PPP1R12B: variants seen among roughly 807,000 people sequenced by gnomAD.
PPP1R12B encodes the protein protein phosphatase 1 regulatory subunit 12B, also known as myosin phosphatase target subunit 2.
In PPP1R12B, 76 loss-of-function variants were observed where a neutral mutation model predicts 126.1. The observed-to-expected ratio is 0.60, with a 90% CI of 0.50 to 0.73. The LOEUF is 0.73. Among genes scored for constraint, PPP1R12B ranks in the 30% least tolerant of loss-of-function variants. PPP1R12B has a pLI of 0.00. For missense variants in PPP1R12B, 1,052 were observed against 1,205.1 expected, an observed-to-expected ratio of 0.87 and a Z score of 1.88; for synonymous variants, 356 against 434.7, an observed-to-expected ratio of 0.82 and a Z score of 2.25.
chr1:202,514,790 G>A (rs759746408), intron 18 of PPP1R12B, among the ~76,000 whole-genome samples: 2 of 152,066 alleles, frequency 1.3e-5, no homozygotes, highest in Non-Finnish European at 2.9e-5. Flanking sequence ...TCTGTGTGCT[G>A]GGTATATACT....
chr1:202,356,561 T>G (rs1013074275), intron 1 of PPP1R12B, among the ~76,000 whole-genome samples: 2 of 152,128 alleles, frequency 1.3e-5, no homozygotes, highest in Non-Finnish European at 2.9e-5. Flanking sequence ...ATAAGGAGAT[T>G]AGCCTGGATT....
chr1:202,356,514 G>T (rs1288341853), intron 1 of PPP1R12B, among the ~76,000 whole-genome samples: 1 of 152,182 alleles, frequency 6.6e-6, no homozygotes, highest in Non-Finnish European at 1.5e-5. Flanking sequence ...CAGGGTAAAA[G>T]AGACTTTGGG....
intron 18 of PPP1R12B, among the ~76,000 whole-genome samples, chr1:202,520,733 T>C (rs998852396): frequency 2.6e-5 from 4 of 152,234 alleles, no homozygotes; most frequent in Non-Finnish European, 5.9e-5. Flanking sequence ...CTGGGACTTC[T>C]AGGTCAGGGT....
intron 1 of PPP1R12B, among the ~76,000 whole-genome samples, chr1:202,399,954 G>A (rs1319290261): frequency 5.9e-5 from 9 of 151,958 alleles, no homozygotes; most frequent in Non-Finnish European, 2.9e-5. Context: ...CACCCAGTTA[G>A]CAAGTGTAGT....
chr1:202,440,632 CT>C lies in PPP1R12B; in HGVS notation c.1459-68del, dbSNP rs555464211. 1.9e-4 allele frequency: 223 copies of C among 1,151,502 alleles called. No homozygotes were observed. The African/African-American group carries it at 2.4e-3, about 12-fold the overall frequency. The allele number at this position is 1,151,502 out of a possible 1,614,324, so 71.3% of individuals were successfully genotyped here. A position where few individuals can be genotyped will look rare whatever the true frequency, so the allele number is the denominator to read the frequency against. ...GATGATATAGGTATATTAAGTTCTG[CT>C]TTTTTACTCAAAATGTTTTATGCTG... On this transcript the variant is annotated intron_variant, in intron 10 of 23. Transcript: ENST00000608999.
chr1:202,439,033 G>T, intron 10 of PPP1R12B: 1 of 1,376,138 alleles, frequency 7.3e-7, no homozygotes, highest in South Asian at 1.2e-5. Context: ...ACTACCAGTG[G>T]GCGGACTTCA....
At position 202,584,677 on chromosome 1, in the gene PPP1R12B, G is replaced by T. The variant is rs1223640177; in HGVS notation, c.*4117G>T. On this transcript the variant is annotated 3_prime_UTR_variant, in exon 24 of 24. Coordinates refer to ENST00000608999, the MANE Select transcript of PPP1R12B (RefSeq NM_002481.4). The stretch of plus-strand genomic sequence containing the variant: ...GGTGGGCATGGAGTGAGCAGAAGAA[G>T]CCTGGAGAAGAGAGAACTATTTAAA... The T allele has an allele frequency of 6.6e-6, 1 of 152,228 alleles. No homozygotes were observed. Among genetic ancestry groups the T allele is most frequent in the African/African-American group, 2.4e-5 (1 of 41,442 alleles). The allele number at this position is 152,228 out of a possible 1,614,324, so 9.4% of individuals were successfully genotyped here.
intron 1 of PPP1R12B, among the ~76,000 whole-genome samples, chr1:202,377,837 T>C (rs1259602321): frequency 2.2e-5 from 1 of 44,556 alleles, no homozygotes; most frequent in African/African-American, 4.8e-5. Context: ...CAGGTGTTTT[T>C]TTTTTTTTTT....
intron 1 of PPP1R12B, among the ~76,000 whole-genome samples, chr1:202,395,324 C>T (rs1664806436): frequency 6.6e-6 from 1 of 152,010 alleles, no homozygotes; most frequent in African/African-American, 2.4e-5. Context: ...TGTTGTTCCC[C>T]ATTGTCACTT....
At chr1:202,388,196 T>C (rs1175146423) in intron 1 of PPP1R12B, among the ~76,000 whole-genome samples, 1 of 152,012 alleles carries the variant, frequency 6.6e-6, no homozygotes, top group Non-Finnish European at 1.5e-5. Context: ...AGACTTTTCT[T>C]TTTTTGAGCT....
At chr1:202,538,902 A>G (rs1208606010) in intron 18 of PPP1R12B, among the ~76,000 whole-genome samples, 5 of 151,754 alleles carry the variant, frequency 3.3e-5, no homozygotes, top group African/African-American at 1.2e-4. Context: ...CTTTTCCCTC[A>G]CCTTTATACC....
chr1:202,462,874 A>G lies in PPP1R12B; in HGVS notation c.1850+13703A>G, dbSNP rs1819043. The G allele has an allele frequency of 0.48, 468,066 of 984,704 alleles. 113,716 individuals carry two copies. Among genetic ancestry groups the G allele is most frequent in the East Asian group, 0.7 (6,165 of 8,792 alleles). 61.0% of individuals were successfully genotyped at this position (984,704 alleles called of 1,614,324 possible). On this transcript the variant is annotated intron_variant, in intron 13 of 23. Transcript: ENST00000608999. ...AAGTGTGTGGCAAGGTGTGTCTGAGATAGCTTGACCTGCTTTCACCTGGAA... is the reference window on the plus strand; with the variant it reads ...AAGTGTGTGGCAAGGTGTGTCTGAGGTAGCTTGACCTGCTTTCACCTGGAA...
intron 1 of PPP1R12B, among the ~76,000 whole-genome samples, chr1:202,369,228 A>G (rs1004549029): frequency 3.9e-5 from 6 of 152,226 alleles, no homozygotes; most frequent in African/African-American, 1.4e-4. Flanking sequence ...AAATCTAAAT[A>G]TAAAGCCAAT....
chr1:202,357,552 G>T (rs889325570), intron 1 of PPP1R12B, among the ~76,000 whole-genome samples: 1 of 152,122 alleles, frequency 6.6e-6, no homozygotes, highest in Admixed American at 6.6e-5. Flanking sequence ...CTGAATTCTG[G>T]CTAGTTCAGG....
chr1:202,493,426 A>G (rs2148851684), intron 15 of PPP1R12B, 109 bp downstream of exon 15: 1 of 1,193,234 alleles, frequency 8.4e-7, no homozygotes, highest in Non-Finnish European at 1.2e-6. Flanking sequence ...GCAATGGACA[A>G]CTCACTCAGT....
rs548201289 is a variant in PPP1R12B, at chr1:202,452,067, G to A, written c.1850+2896G>A. 5.3e-5 allele frequency among the ~76,000 whole-genome samples: 8 copies of A among 151,908 alleles called. No homozygotes were observed. The East Asian group carries it at 1.4e-3, about 26-fold the overall frequency. ...CAGAGGCGCTCCTCACATCCCAGAC[G>A]GGGCGGCGGGGCAGAGGCGCTCCCC... On this transcript the variant is annotated intron_variant, in intron 13 of 23. Transcript: ENST00000608999.
chr1:202,391,644 A>AAACATGTG (rs1558168098), intron 1 of PPP1R12B, among the ~76,000 whole-genome samples: 2 of 113,766 alleles, frequency 1.8e-5, no homozygotes, highest in Non-Finnish European at 3.7e-5. Context: ...AGATAAATGA[A>AAACATGTG]TTATCTTCAG....
intron 18 of PPP1R12B, among the ~76,000 whole-genome samples, chr1:202,504,118 G>C (rs1442127120): frequency 6.6e-6 from 1 of 152,116 alleles, no homozygotes; most frequent in Non-Finnish European, 1.5e-5. Context: ...CTTGAGGCCG[G>C]CCGTAGTGGC....
At chr1:202,415,354 A>C (rs184869547) in intron 1 of PPP1R12B, among the ~76,000 whole-genome samples, 2 of 152,302 alleles carry the variant, frequency 1.3e-5, no homozygotes, top group African/African-American at 4.8e-5. Context: ...CATTAGTGTA[A>C]ATGTCAATAC....
Sources: gnomAD v4.1 joint callset for allele counts (sites outside exome capture counted in the v4.1 genomes callset) on GRCh38, gnomAD v4.1.1 for gene constraint, MANE v1.5 for transcripts, NCBI Gene and HGNC (gene_info 2026-07-23, HGNC 2026-07-21) for gene names.